IL23R: variants seen among roughly 807,000 people sequenced by gnomAD.
The protein encoded by IL23R is interleukin-23 receptor.
Under a neutral mutation model 56.9 loss-of-function variants are expected in IL23R, and 34 were observed. The observed-to-expected ratio is 0.60, with a 90% CI of 0.45 to 0.80. IL23R has a LOEUF of 0.80. Among genes scored for constraint, IL23R ranks in the 30% least tolerant of loss-of-function variants. The probability of loss-of-function intolerance (pLI) is 0.00; values close to 1 mark genes in which losing one functional copy is unlikely to be tolerated. For synonymous variants in IL23R, 230 were observed against 249.2 expected (o/e 0.92, Z 0.73); for missense variants, 635 against 730.0 (o/e 0.87, Z 1.50).
intron 6 of IL23R, among the ~76,000 whole-genome samples, chr1:67,211,900 C>T (rs530192424): frequency 1.2e-4 from 19 of 152,246 alleles, no homozygotes; most frequent in Admixed American, 2.0e-4. Context: ...TATTTGTTAT[C>T]TCATATGCTC....
intron 4 of IL23R, among the ~76,000 whole-genome samples, chr1:67,190,447 A>AG (rs1461521414): frequency 2.0e-5 from 3 of 150,990 alleles, no homozygotes; most frequent in Non-Finnish European, 3.0e-5. Context: ...AAAAAAACCA[A>AG]AAAAAAAACA....
At chr1:67,139,429 C>T (rs537333408) in intron 1 of IL23R, among the ~76,000 whole-genome samples, 1 of 152,300 alleles carries the variant, frequency 6.6e-6, no homozygotes, top group African/African-American at 2.4e-5. Flanking sequence ...ACCACACAGT[C>T]CACACAACAT....
chr1:67,236,573 G>T, intron 7 of IL23R, 140 bp from the exon 8 acceptor site: 1 of 676,104 alleles, frequency 1.5e-6, no homozygotes, highest in Non-Finnish European at 2.7e-6. Context: ...GAAGACTATT[G>T]CTTTTATTCC....
intron 7 of IL23R, among the ~76,000 whole-genome samples, chr1:67,234,509 A>G (rs113168300): frequency 9.2e-5 from 14 of 152,348 alleles, no homozygotes; most frequent in Non-Finnish European, 1.6e-4. Context: ...TTCATTGCCA[A>G]TAACTACCTG....
chr1:67,160,806 T>G (rs1646811808), intron 1 of IL23R, among the ~76,000 whole-genome samples: 1 of 152,118 alleles, frequency 6.6e-6, no homozygotes, highest in African/African-American at 2.4e-5. Flanking sequence ...CTCAGCCTCC[T>G]GAGAAGCAGC....
intron 5 of IL23R, among the ~76,000 whole-genome samples, chr1:67,202,718 A>G (rs1197823675): frequency 6.6e-6 from 1 of 152,118 alleles, no homozygotes; most frequent in Non-Finnish European, 1.5e-5. Flanking sequence ...ACGACAGGCC[A>G]CAGGCCACAG....
chr1:67,172,164 C>A (rs1170250424), intron 3 of IL23R, among the ~76,000 whole-genome samples: 3 of 152,120 alleles, frequency 2.0e-5, no homozygotes, highest in Admixed American at 2.0e-4. Context: ...AACAAAACTT[C>A]CTATTTAAGT....
chr1:67,181,086 C>T (rs1347511826), intron 3 of IL23R, among the ~76,000 whole-genome samples: 2 of 152,144 alleles, frequency 1.3e-5, no homozygotes, highest in Non-Finnish European at 2.9e-5. Context: ...GTGAATCTGA[C>T]AATCATGTGT....
upstream of IL23R, among the ~76,000 whole-genome samples, chr1:67,164,250 C>T (rs1464578369): frequency 6.6e-6 from 1 of 152,176 alleles, no homozygotes; most frequent in Non-Finnish European, 1.5e-5. Context: ...AATCCCAGCA[C>T]TTTGGGAGGC....
chr1:67,217,277 C>T (rs1475421499), intron 6 of IL23R, among the ~76,000 whole-genome samples: 3 of 152,154 alleles, frequency 2.0e-5, no homozygotes, highest in Non-Finnish European at 2.9e-5. Context: ...CAGAGGCACT[C>T]AATTAAGTCC....
chr1:67,139,681 G>A (rs1002740577), intron 1 of IL23R, among the ~76,000 whole-genome samples: 1 of 152,180 alleles, frequency 6.6e-6, no homozygotes, highest in East Asian at 1.9e-4. Context: ...AATCTCCAGT[G>A]TGGCAGTATT....
At chr1:67,248,685 A>T (rs1413834444) in intron 9 of IL23R, among the ~76,000 whole-genome samples, 1 of 152,150 alleles carries the variant, frequency 6.6e-6, no homozygotes, top group Non-Finnish European at 1.5e-5. Context: ...TTGGAGGGGA[A>T]GAGGCATTCT....
rs747909439 is a variant in IL23R at position 67,236,823 on chromosome 1, C to T, written c.1045+21C>T. Reference sequence around the variant, plus strand: ...TTCTGGTAAGAAAATACAACTTAGGCTTTTTGAGTAGTCTTTTAGTAATTG... The same window carrying T: ...TTCTGGTAAGAAAATACAACTTAGGTTTTTTGAGTAGTCTTTTAGTAATTG... On this transcript the variant is annotated intron_variant, in intron 8 of 10. Coordinates refer to ENST00000347310, the MANE Select transcript of IL23R (RefSeq NM_144701.3). The T allele has an allele frequency of 2.5e-5, 37 of 1,482,046 alleles. 1 individual carries two copies. In the South Asian group the frequency reaches 3.7e-4, roughly 15 times the overall value. 91.8% of individuals were successfully genotyped at this position (1,482,046 alleles called of 1,614,324 possible).
In IL23R at chr1:67,219,686, G is replaced by A; in HGVS notation, c.911G>A (p.Trp304Ter). 6.2e-7 allele frequency: 1 copy of A among 1,614,014 alleles called. No homozygotes were observed. The highest frequency in any genetic ancestry group is 8.5e-7 in the Non-Finnish European group (1 of 1,179,914). Residue 304 changes from tryptophan (W) to a stop codon, truncating the protein, a stop_gained, in exon 7 of 11, where the codon TGG (tryptophan) becomes TAG (stop). Coordinates refer to ENST00000347310, the MANE Select transcript of IL23R (RefSeq NM_144701.3). LOFTEE classifies it high-confidence loss of function. ...VRCQETGKRY[W>*]QPWSSLFFHK... ...TGTCAAGAAACAGGCAAAAGGTACTGGCAGCCTTGGAGTTCACTGTTTTTT... is the reference window on the plus strand; with the variant it reads ...TGTCAAGAAACAGGCAAAAGGTACTAGCAGCCTTGGAGTTCACTGTTTTTT...
At chr1:67,256,278 T>G (rs1334252192) in intron 10 of IL23R, among the ~76,000 whole-genome samples, 4 of 152,172 alleles carry the variant, frequency 2.6e-5, no homozygotes, top group Non-Finnish European at 5.9e-5. Flanking sequence ...GAAATGAGCC[T>G]CAAAGATTCA....
chr1:67,194,416 C>T (rs574634575), intron 4 of IL23R, among the ~76,000 whole-genome samples: 1 of 152,206 alleles, frequency 6.6e-6, no homozygotes, highest in South Asian at 2.1e-4. Flanking sequence ...TTTGGAGATT[C>T]CAAGGGTTTT....
intron 7 of IL23R, among the ~76,000 whole-genome samples, chr1:67,228,801 A>G (rs1175151546): frequency 6.6e-6 from 1 of 151,880 alleles, no homozygotes; most frequent in Non-Finnish European, 1.5e-5. Flanking sequence ...GCATCTTCCA[A>G]TCTCTTTCTC....
At chr1:67,240,146 T>TGGTATCAAA in intron 8 of IL23R, 33 bp from the exon 9 acceptor site, 1 of 1,375,594 alleles carries the variant, frequency 7.3e-7, no homozygotes, top group Non-Finnish European at 1.0e-6. Flanking sequence ...AGACTAATGC[T>TGGTATCAAA]TGGTTAAAAT....
intron 7 of IL23R, among the ~76,000 whole-genome samples, chr1:67,227,471 G>A (rs570023926): frequency 2.5e-4 from 37 of 149,786 alleles, no homozygotes; most frequent in Middle Eastern, 3.4e-3. Context: ...AGGCAAGTAT[G>A]AGCAAGATAT....
Sources: gnomAD v4.1 joint callset for allele counts (sites outside exome capture counted in the v4.1 genomes callset) on GRCh38, gnomAD v4.1.1 for gene constraint, MANE v1.5 for transcripts, NCBI Gene and HGNC (gene_info 2026-07-23, HGNC 2026-07-21) for gene names.